Variants in DLC1 observed in about 807,000 individuals in gnomAD.
DLC1 encodes the protein DLC1 Rho GTPase activating protein.
In DLC1, 54 loss-of-function variants were observed where a neutral mutation model predicts 140.3. That is an observed-to-expected ratio of 0.38 (90% CI 0.31 to 0.48). DLC1 has a LOEUF of 0.48. Ranked by LOEUF, DLC1 falls within the 20% of genes least tolerant of loss-of-function variation. DLC1 has a pLI of 0.96. For missense variants in DLC1, 2,536 were observed against 1,907.0 expected, an observed-to-expected ratio of 1.33 and a Z score of -6.14; for synonymous variants, 986 against 728.1, an observed-to-expected ratio of 1.35 and a Z score of -5.70.
At chr8:13,384,698 G>C (rs1240028077) in intron 4 of DLC1, among the ~76,000 whole-genome samples, 2 of 152,134 alleles carry the variant, frequency 1.3e-5, no homozygotes, top group Non-Finnish European at 2.9e-5. Context: ...ATTTGGGCCA[G>C]CAGAACCATA....
chr8:13,475,989 C>G (rs1473026718), intron 2 of DLC1, among the ~76,000 whole-genome samples: 1 of 152,198 alleles, frequency 6.6e-6, no homozygotes, highest in African/African-American at 2.4e-5. Flanking sequence ...ACCTGTGAAA[C>G]TAAACTTCCA....
At chr8:13,548,802 G>A (rs1470047045) in intron 1 of DLC1, among the ~76,000 whole-genome samples, 2 of 152,026 alleles carry the variant, frequency 1.3e-5, no homozygotes, top group Non-Finnish European at 2.9e-5. Context: ...TGGTATTATT[G>A]TTGATTAATT....
At chr8:13,221,689 T>A (rs1324273496) in intron 5 of DLC1, among the ~76,000 whole-genome samples, 1 of 124,608 alleles carries the variant, frequency 8.0e-6, no homozygotes, top group East Asian at 2.1e-4. Flanking sequence ...TTTGTGTGTG[T>A]GTGTGTGTAT....
At chr8:13,603,969 T>A (rs1256292901) in intron 1 of DLC1, among the ~76,000 whole-genome samples, 1 of 152,140 alleles carries the variant, frequency 6.6e-6, no homozygotes, top group African/African-American at 2.4e-5. Context: ...GTAAATGGTG[T>A]ACTTAATAGG....
At chr8:13,422,798 TA>T (rs200778195) in intron 2 of DLC1, among the ~76,000 whole-genome samples, 26,698 of 145,224 alleles carry the variant, frequency 0.18, 2,971 homozygotes, top group East Asian at 0.32. Flanking sequence ...AACAACCAGC[TA>T]AAAAAAAAAA....
At chr8:13,344,840 G>A (rs1260745273) in intron 4 of DLC1, among the ~76,000 whole-genome samples, 1 of 152,164 alleles carries the variant, frequency 6.6e-6, no homozygotes, top group African/African-American at 2.4e-5. Context: ...TTGTAATTAA[G>A]TATAATTTGC....
intron 1 of DLC1, among the ~76,000 whole-genome samples, chr8:13,593,772 A>G (rs1805597588): frequency 6.6e-6 from 1 of 152,164 alleles, no homozygotes; most frequent in South Asian, 2.1e-4. Flanking sequence ...GAAGTGAAAC[A>G]ATGAAAATTA....
intron 5 of DLC1, among the ~76,000 whole-genome samples, chr8:13,190,680 A>T (rs1354363583): frequency 1.3e-5 from 2 of 152,132 alleles, no homozygotes; most frequent in African/African-American, 4.8e-5. Flanking sequence ...AGCAGATCAG[A>T]AGCTGTGGGC....
At chr8:13,531,515 G>A (rs1803096582) in intron 1 of DLC1, among the ~76,000 whole-genome samples, 1 of 152,160 alleles carries the variant, frequency 6.6e-6, no homozygotes, top group Non-Finnish European at 1.5e-5. Flanking sequence ...GAACCTGGGA[G>A]GTGCAGGTTG....
intron 5 of DLC1, among the ~76,000 whole-genome samples, chr8:13,128,795 A>C (rs989303411): frequency 2.0e-5 from 3 of 151,286 alleles, no homozygotes; most frequent in African/African-American, 7.3e-5. Flanking sequence ...AGATTGCGCC[A>C]CTGCACTCCA....
intron 1 of DLC1, among the ~76,000 whole-genome samples, chr8:13,586,461 A>T (rs185996972): frequency 6.6e-6 from 1 of 152,164 alleles, no homozygotes; most frequent in African/African-American, 2.4e-5. Flanking sequence ...GATGTTAAAG[A>T]TATAAGAAAT....
intron 1 of DLC1, among the ~76,000 whole-genome samples, chr8:13,547,368 C>A (rs1803687409): frequency 6.6e-6 from 1 of 151,844 alleles, no homozygotes; most frequent in Non-Finnish European, 1.5e-5. Flanking sequence ...GTAATGGACT[C>A]CAAACACAGA....
At chr8:13,473,359 G>A (rs1800297066) in intron 2 of DLC1, among the ~76,000 whole-genome samples, 1 of 152,130 alleles carries the variant, frequency 6.6e-6, no homozygotes, top group African/African-American at 2.4e-5. Flanking sequence ...TAAGTCTCAC[G>A]AGATCTGATG....
At chr8:13,437,283 C>T (rs901802263) in intron 2 of DLC1, among the ~76,000 whole-genome samples, 9 of 152,200 alleles carry the variant, frequency 5.9e-5, no homozygotes, top group Admixed American at 1.3e-4. Context: ...TATTTAAGGC[C>T]TGCTGCCTGA....
intron 5 of DLC1, among the ~76,000 whole-genome samples, chr8:13,296,801 A>G (rs376190229): frequency 1.3e-5 from 2 of 151,828 alleles, no homozygotes; most frequent in Admixed American, 1.3e-4. Context: ...CATAATAAAT[A>G]TACCAACAAA....
chr8:13,587,279 C>A (rs972787090), intron 1 of DLC1, among the ~76,000 whole-genome samples: 12 of 148,292 alleles, frequency 8.1e-5, no homozygotes, highest in Non-Finnish European at 1.5e-4. Flanking sequence ...TTTAGTGTAA[C>A]CATAGCCAAG....
intron 5 of DLC1, among the ~76,000 whole-genome samples, chr8:13,173,199 C>T (rs186127033): frequency 2.6e-5 from 4 of 152,252 alleles, no homozygotes; most frequent in East Asian, 1.9e-4. Flanking sequence ...TGGCTTCTTG[C>T]AAACCAGTGA....
chr8:13,232,567 A>C (rs1392684984), intron 5 of DLC1, among the ~76,000 whole-genome samples: 1 of 152,138 alleles, frequency 6.6e-6, no homozygotes, highest in African/African-American at 2.4e-5. Flanking sequence ...TCTTGACCTC[A>C]TGATCCACTT....
chr8:13,538,196 A>G (rs10086696), intron 1 of DLC1, among the ~76,000 whole-genome samples: 3,189 of 152,180 alleles, frequency 0.021, 120 homozygotes, highest in African/African-American at 0.074. Context: ...AGATAATATG[A>G]CGACCACCTG....
Sources: allele counts gnomAD v4.1 joint callset (sites outside exome capture counted in the v4.1 genomes callset), GRCh38; gene constraint gnomAD v4.1.1; transcripts MANE v1.5; gene names NCBI Gene and HGNC (gene_info 2026-07-23, HGNC 2026-07-21).